The following XPC variants were observed in gnomAD, a reference collection of about 807,000 sequenced individuals.
The protein encoded by XPC is DNA repair protein complementing XP-C cells.
In XPC, 76 loss-of-function variants were observed where a neutral mutation model predicts 95.8. The observed-to-expected ratio is 0.79, with a 90% CI of 0.66 to 0.96. The LOEUF is 0.96. Ranked by LOEUF, XPC falls within the 40% of genes least tolerant of loss-of-function variation. The pLI is 0.00. For synonymous variants in XPC, 442 were observed against 442.1 expected (o/e 1.00, Z 0.00); for missense variants, 1,146 against 1,179.8 (o/e 0.97, Z 0.42).
intron 9 of XPC, 23 bp from the exon 10 acceptor site, chr3:14,156,518 G>T (rs759289363): frequency 6.2e-7 from 1 of 1,613,514 alleles, no homozygotes; most frequent in South Asian, 1.1e-5. Flanking sequence ...GACAGACAAG[G>T]TTGAGCATGT....
chr3:14,168,556 G>T (rs537051228), intron 3 of XPC, among the ~76,000 whole-genome samples, 176 bp from the exon 4 acceptor site: 1 of 151,918 alleles, frequency 6.6e-6, no homozygotes, highest in Admixed American at 6.6e-5. Flanking sequence ...GCCGGGCAGT[G>T]TGCTGAGTGT....
At chr3:14,173,200 G>A in intron 1 of XPC, 138 bp from the exon 2 acceptor site, 1 of 797,918 alleles carries the variant, frequency 1.3e-6, no homozygotes, top group South Asian at 2.9e-5. Context: ...TCCCCTGTCT[G>A]GTCAGCAACC....
chr3:14,178,194 A>G (rs1291499181), intron 1 of XPC, among the ~76,000 whole-genome samples: 1 of 152,268 alleles, frequency 6.6e-6, no homozygotes, highest in Admixed American at 6.5e-5. Flanking sequence ...TTCAACCCTG[A>G]ACATCTGTAT....
chr3:14,162,224 C>A (rs567542306), intron 7 of XPC, among the ~76,000 whole-genome samples: 3 of 152,170 alleles, frequency 2.0e-5, no homozygotes, highest in Non-Finnish European at 1.5e-5. Context: ...CCAAATTAAT[C>A]TACAGATCAG....
rs1395574278 is a variant in XPC, at chr3:14,146,095, G to A, written c.2669C>T (p.Thr890Ile). 1.9e-6 allele frequency: 3 copies of A among 1,611,818 alleles called. No homozygotes were observed. Among genetic ancestry groups the A allele is most frequent in the African/African-American group, 2.7e-5 (2 of 74,564 alleles). ...GGLSSDEEEG[T>I]SSQAEAARIL... is the part of the protein sequence containing the mutation. ...CCTGGCCGCTTCTGCTTGAGAGCTG[G>A]TCCCCTCCTCTTCATCAGAAGAGAG... Residue 890 changes from threonine (T) to isoleucine (I), a missense_variant, in exon 16 of 16, where the codon ACC becomes ATC. Physicochemically the swap from Thr to Ile is moderately conservative, Grantham distance 89. Transcript: ENST00000285021.
intron 1 of XPC, among the ~76,000 whole-genome samples, chr3:14,177,830 G>A (rs185135784): frequency 1.1e-3 from 161 of 146,778 alleles, no homozygotes; most frequent in African/African-American, 3.9e-3. Flanking sequence ...TCATGGAAAT[G>A]AAGAGAAGTG....
In XPC at chr3:14,164,854, A is replaced by C; in HGVS notation, c.859T>G (p.Phe287Val). 1.9e-6 allele frequency: 3 copies of C among 1,613,232 alleles called. No homozygotes were observed. Among genetic ancestry groups the C allele is most frequent in the Non-Finnish European group, 2.5e-6 (3 of 1,179,560 alleles). Residue 287 changes from phenylalanine to valine, a missense_variant, in exon 7 of 16, where the codon TTT becomes GTT. Transcript: ENST00000285021. ...DNLQTTLERR[F>V]AIYSARDDEE... ...TCATCTCGAGCAGAGTAAATAGCAA[A>C]TCTCCTTTCCAATGTAGTCTGCAGG...
At chr3:14,166,952 G>C (rs889602464) in intron 5 of XPC, among the ~76,000 whole-genome samples, 1 of 152,142 alleles carries the variant, frequency 6.6e-6, no homozygotes, top group African/African-American at 2.4e-5. Context: ...CTGCATGCCA[G>C]GCATTGTGCT....
chr3:14,151,750 C>G (rs564613892), intron 11 of XPC: 3 of 152,594 alleles, frequency 2.0e-5, no homozygotes, highest in Admixed American at 1.3e-4. Context: ...ACCAGCCTAA[C>G]AGTGCCGCAG....
At chr3:14,163,438 G>A (rs1353067337) in intron 7 of XPC, among the ~76,000 whole-genome samples, 1 of 152,176 alleles carries the variant, frequency 6.6e-6, no homozygotes, top group East Asian at 1.9e-4. Flanking sequence ...ATGAAATACT[G>A]ATACATGCTA....
rs1326646197 is a variant in XPC, at chr3:14,167,254, C to G, written c.537-1G>C. On this transcript the variant is annotated splice_acceptor_variant, in intron 4 of 15. Coordinates refer to ENST00000285021, the MANE Select transcript of XPC (RefSeq NM_004628.5). LOFTEE classifies it high-confidence loss of function. ...CTCAAACTCCAGTTTTATCTTTTCA[C>G]TGCAACAAATAGTGAAAAATCTGGG... The G allele has an allele frequency of 1.9e-6, 3 of 1,610,670 alleles. No individual in the cohort carries two copies. Among genetic ancestry groups the G allele is most frequent in the African/African-American group, 1.3e-5 (1 of 74,820 alleles).
intron 5 of XPC, among the ~76,000 whole-genome samples, chr3:14,166,211 G>A (rs1303531122): frequency 1.3e-5 from 2 of 151,362 alleles, no homozygotes; most frequent in African/African-American, 2.4e-5. Flanking sequence ...CCTCCCCCCC[G>A]ACTAACAGCC....
intron 3 of XPC, among the ~76,000 whole-genome samples, chr3:14,168,692 T>A (rs1696491379): frequency 6.6e-6 from 1 of 152,092 alleles, no homozygotes. Context: ...CACTCATGCA[T>A]GTATGTATAT....
chr3:14,167,813 G>C (rs3731097), intron 4 of XPC, among the ~76,000 whole-genome samples: 59 of 152,308 alleles, frequency 3.9e-4, no homozygotes, highest in Non-Finnish European at 7.9e-4. Context: ...ATGCTGGGAA[G>C]GATAGGGGCT....
At chr3:14,173,254 T>C (rs1321427331) in intron 1 of XPC, among the ~76,000 whole-genome samples, 192 bp from the exon 2 acceptor site, 2 of 152,156 alleles carry the variant, frequency 1.3e-5, no homozygotes, top group Non-Finnish European at 2.9e-5. Context: ...ATATTCACAG[T>C]AAAAACCATC....
Position 14,145,290 on chromosome 3 carries a change from T to C in XPC, c.*651A>G. The stretch of plus-strand genomic sequence containing the variant: ...TTACTAACATTTCCTTAATTTTCAA[T>C]TCGTATTTTTCCTTTTCTTTCCTGA... On this transcript the variant is annotated 3_prime_UTR_variant, in exon 16 of 16. Coordinates refer to ENST00000285021, the MANE Select transcript of XPC (RefSeq NM_004628.5). The C allele has an allele frequency of 1.4e-6, 1 of 697,200 alleles. No homozygotes were observed. The highest frequency in any genetic ancestry group is 2.6e-6 in the Non-Finnish European group (1 of 383,386). The allele number at this position is 697,200 out of a possible 1,614,324, so 43.2% of individuals were successfully genotyped here. A position where few individuals can be genotyped will look rare whatever the true frequency, so the allele number is the denominator to read the frequency against.
chr3:14,170,809 C>T (rs1266096261), intron 2 of XPC, among the ~76,000 whole-genome samples: 2 of 152,136 alleles, frequency 1.3e-5, no homozygotes, highest in African/African-American at 4.8e-5. Context: ...TGAAAGAAAA[C>T]ATAGCTGTGC....
intron 4 of XPC, among the ~76,000 whole-genome samples, chr3:14,167,473 C>A (rs1696430279): frequency 6.6e-6 from 1 of 152,142 alleles, no homozygotes; most frequent in Non-Finnish European, 1.5e-5. Context: ...TGTACCCAGA[C>A]AACCCTCCTC....
chr3:14,159,129 G>C (rs548224230), intron 8 of XPC, among the ~76,000 whole-genome samples: 1 of 152,132 alleles, frequency 6.6e-6, no homozygotes, highest in Non-Finnish European at 1.5e-5. Context: ...TAACTGTAAA[G>C]AGAAAAGAAC....
Sources: gnomAD v4.1 joint callset for allele counts (sites outside exome capture counted in the v4.1 genomes callset) on GRCh38, gnomAD v4.1.1 for gene constraint, MANE v1.5 for transcripts, NCBI Gene and HGNC (gene_info 2026-07-23, HGNC 2026-07-21) for gene names.